The following LDB3 variants were observed in gnomAD, a reference collection of about 807,000 sequenced individuals.
The protein encoded by LDB3 is LIM domain-binding protein 3.
A neutral mutation model predicts 69.0 loss-of-function variants in LDB3; 49 were observed. The ratio of observed to expected loss-of-function variants is 0.71; its 90% CI spans 0.56 to 0.90. The LOEUF (loss-of-function observed/expected upper bound fraction) is 0.90, where lower values mean the gene tolerates loss of function less well. Ranked by LOEUF, LDB3 falls within the 40% of genes least tolerant of loss-of-function variation. LDB3 has a pLI of 0.00. For missense variants in LDB3, 928 were observed against 974.1 expected (o/e 0.95, Z 0.63); for synonymous variants, 387 against 396.2 (o/e 0.98, Z 0.28).
intron 2 of LDB3, among the ~76,000 whole-genome samples, chr10:86,674,485 G>A (rs1844665014): frequency 6.6e-6 from 1 of 152,200 alleles, no homozygotes. Flanking sequence ...CTGGGGGCAG[G>A]GAGCTGATCT....
rs117975031 is a variant in LDB3 at position 86,681,280 on chromosome 10, T to C, written c.322-156T>C. Among the ~76,000 whole-genome samples, 5,444 of 152,384 alleles carry C rather than the reference T, an allele frequency of 0.036. 212 individuals carry two copies. Among genetic ancestry groups the C allele is most frequent in the Admixed American group, 0.12 (1,843 of 15,308 alleles). ...ATGTGCCTGCCTGCTCCTCCACCAG[T>C]GTCCTCCCCTCCAAGTGCTGCGCCC... On this transcript the variant is annotated intron_variant, in intron 4 of 13. Transcript: ENST00000361373.
chr10:86,725,389 A>T (rs908613175), intron 12 of LDB3, among the ~76,000 whole-genome samples: 1 of 152,168 alleles, frequency 6.6e-6, no homozygotes, highest in African/African-American at 2.4e-5. Flanking sequence ...TTTTGTGATG[A>T]TCAGTTTCAT....
At chr10:86,696,395 G>A (rs1846000990) in intron 7 of LDB3, among the ~76,000 whole-genome samples, 1 of 152,236 alleles carries the variant, frequency 6.6e-6, no homozygotes, top group African/African-American at 2.4e-5. Context: ...CACCAGGGAT[G>A]TTGCCCCAGG....
At chr10:86,712,118 C>G (rs1003321881) in intron 9 of LDB3, among the ~76,000 whole-genome samples, 2 of 152,020 alleles carry the variant, frequency 1.3e-5, no homozygotes, top group Admixed American at 1.3e-4. Flanking sequence ...CTGCTCGCCC[C>G]CCGACGGAGT....
Position 86,735,237 on chromosome 10 carries a change from A to C in LDB3, c.*2261A>C. The C allele has an allele frequency of 6.7e-6, 1 of 149,246 alleles. No individual in the cohort carries two copies. Among genetic ancestry groups the C allele is most frequent in the African/African-American group, 2.5e-5 (1 of 40,268 alleles). 9.2% of individuals were successfully genotyped at this position (149,246 alleles called of 1,614,324 possible). ...TTCTGAGGGACTCCTATTTGCCAAA[A>C]AGACAAAACTAGCAAAAAAAAAACA... On this transcript the variant is annotated 3_prime_UTR_variant, in exon 14 of 14. Coordinates refer to ENST00000361373, the MANE Select transcript of LDB3 (RefSeq NM_007078.3).
At chr10:86,711,862 C>G (rs376298412) in intron 9 of LDB3, among the ~76,000 whole-genome samples, 83 of 150,536 alleles carry the variant, frequency 5.5e-4, no homozygotes, top group African/African-American at 1.9e-3. Context: ...GAGCCGGGCC[C>G]GGCCCGGCGT....
chr10:86,708,899 C>G (rs183679006), intron 8 of LDB3, among the ~76,000 whole-genome samples: 1 of 152,268 alleles, frequency 6.6e-6, no homozygotes, highest in Non-Finnish European at 1.5e-5. Context: ...ACAGCTCTGC[C>G]CAGCAGGGAT....
chr10:86,726,923 A>G (rs1308367339), intron 13 of LDB3, among the ~76,000 whole-genome samples: 2 of 152,038 alleles, frequency 1.3e-5, no homozygotes, highest in Non-Finnish European at 2.9e-5. Flanking sequence ...TGGTGAGCCT[A>G]CAGACATTTA....
At position 86,718,720 on chromosome 10, in the gene LDB3, C is replaced by G. The variant is rs1057520727; in HGVS notation, c.1858-7C>G. On this transcript the variant is annotated splice_region_variant and splice_polypyrimidine_tract_variant and intron_variant, in intron 11 of 13. Coordinates refer to ENST00000361373, the MANE Select transcript of LDB3 (RefSeq NM_007078.3). ...TTTCTGTCCTGAGCTTAGGCTCTTT[C>G]CCCCAGGAAGTAATGCATGCCTTGA... 2 of 1,614,140 alleles carry G rather than the reference C, an allele frequency of 1.2e-6. No individual in the cohort carries two copies. Among genetic ancestry groups the G allele is most frequent in the Non-Finnish European group, 1.7e-6 (2 of 1,180,018 alleles).
intron 2 of LDB3, among the ~76,000 whole-genome samples, chr10:86,672,713 G>A (rs1441961870): frequency 1.3e-5 from 2 of 152,230 alleles, no homozygotes; most frequent in African/African-American, 4.8e-5. Context: ...CCCCAGGCCA[G>A]GTCCTCCGGG....
intron 12 of LDB3, among the ~76,000 whole-genome samples, chr10:86,723,110 A>T (rs1847139054): frequency 6.6e-6 from 1 of 151,686 alleles, no homozygotes; most frequent in Non-Finnish European, 1.5e-5. Context: ...CTAAAACAAA[A>T]AAAAATTAAA....
Position 86,682,666 on chromosome 10 carries a change from T to C in LDB3, c.689+863T>C, listed in dbSNP as rs560408376. ...GAGTCAAGGCAGTAGAGCCTAGTGGTTCAGGGTTCCTCCTCCGAATCATGG... is the reference window on the plus strand; with the variant it reads ...GAGTCAAGGCAGTAGAGCCTAGTGGCTCAGGGTTCCTCCTCCGAATCATGG... On this transcript the variant is annotated intron_variant, in intron 5 of 13. Transcript: ENST00000361373. Among the ~76,000 whole-genome samples, 5 of 152,336 alleles carry C rather than the reference T, an allele frequency of 3.3e-5. No homozygotes were observed. The East Asian group carries it at 9.6e-4, about 29-fold the overall frequency.
At position 86,711,656 on chromosome 10, in the gene LDB3, T is replaced by TC. The variant is rs1846672185; in HGVS notation, c.1231+1612dup. ...GGAGCGCCGCGGCCGCAGCCGCAGC[T>TC]CCCCCCGGGGCCTCCTCCGGGCCGA... On this transcript the variant is annotated intron_variant, in intron 9 of 13. Coordinates refer to ENST00000361373, the MANE Select transcript of LDB3 (RefSeq NM_007078.3). Among the ~76,000 whole-genome samples, 17 of 151,230 alleles carry TC rather than the reference T, an allele frequency of 1.1e-4. No individual in the cohort carries two copies. In the South Asian group the frequency reaches 3.5e-3, roughly 32 times the overall value.
In LDB3 at chr10:86,690,887, G is replaced by A. The variant is rs150933482; in HGVS notation, c.690-1009G>A. Among the ~76,000 whole-genome samples, 804 of 152,342 alleles carry A rather than the reference G, an allele frequency of 5.3e-3. 6 individuals are homozygous for A. The highest frequency in any genetic ancestry group is 0.012 in the Admixed American group (184 of 15,308). ...ATGGGGCCCTTATCTGCTGTAACCT[G>A]GAGCTAGTTGGCTGGCCTCTCTGGA... On this transcript the variant is annotated intron_variant, in intron 5 of 13. Coordinates refer to ENST00000361373, the MANE Select transcript of LDB3 (RefSeq NM_007078.3).
In LDB3 at chr10:86,711,655, C is replaced by T. The variant is rs561635104; in HGVS notation, c.1231+1605C>T. 2.7e-4 allele frequency among the ~76,000 whole-genome samples: 41 copies of T among 151,922 alleles called. 2 individuals are homozygous for T. The South Asian group carries it at 7.5e-3, about 28-fold the overall frequency. On this transcript the variant is annotated intron_variant, in intron 9 of 13. Transcript: ENST00000361373. Reference sequence around the variant, plus strand: ...CGGAGCGCCGCGGCCGCAGCCGCAGCTCCCCCCGGGGCCTCCTCCGGGCCG... The same window carrying T: ...CGGAGCGCCGCGGCCGCAGCCGCAGTTCCCCCCGGGGCCTCCTCCGGGCCG...
At chr10:86,693,325 C>T (rs933586912) in intron 7 of LDB3, among the ~76,000 whole-genome samples, 6 of 152,148 alleles carry the variant, frequency 3.9e-5, no homozygotes, top group African/African-American at 1.2e-4. Flanking sequence ...TGTACACTTC[C>T]GGTAGCAAAT....
intron 2 of LDB3, among the ~76,000 whole-genome samples, chr10:86,677,786 G>T (rs978925071): frequency 6.6e-6 from 1 of 152,176 alleles, no homozygotes; most frequent in South Asian, 2.1e-4. Flanking sequence ...AGCTGAGTTT[G>T]CTCATCCAGG....
At chr10:86,685,744 C>T (rs767407038) in intron 5 of LDB3, 1 of 1,611,416 alleles carries the variant, frequency 6.2e-7, no homozygotes, top group Non-Finnish European at 8.5e-7. Flanking sequence ...GCGTGCCAGC[C>T]CCAGCATGTG....
At chr10:86,725,757 G>C (rs1352051297) in intron 12 of LDB3, among the ~76,000 whole-genome samples, 1 of 152,146 alleles carries the variant, frequency 6.6e-6, no homozygotes, top group African/African-American at 2.4e-5. Flanking sequence ...AAATACGTTG[G>C]ACCCACATTC....
Sources: allele counts gnomAD v4.1 joint callset (sites outside exome capture counted in the v4.1 genomes callset), GRCh38; gene constraint gnomAD v4.1.1; transcripts MANE v1.5; gene names NCBI Gene and HGNC (gene_info 2026-07-23, HGNC 2026-07-21).